The following TSPAN9 variants were observed in gnomAD, a reference collection of about 807,000 sequenced individuals.
TSPAN9 encodes the protein tetraspanin-9.
Under a neutral mutation model 31.0 loss-of-function variants are expected in TSPAN9, and 16 were observed. That is an observed-to-expected ratio of 0.52 (90% CI 0.35 to 0.78). The LOEUF is 0.78. Among genes scored for constraint, TSPAN9 ranks in the 30% least tolerant of loss-of-function variants. The pLI is 0.01. For synonymous variants in TSPAN9, 145 were observed against 121.6 expected (o/e 1.19, Z -1.27); for missense variants, 272 against 312.5 (o/e 0.87, Z 0.98).
In TSPAN9 at chr12:3,280,252, C is replaced by T; in HGVS notation, c.331-130C>T. ...CCCCACCCCAGTGGGCAGGGCCTTC[C>T]AGACCAGCTGCCTTCCCTGCCTTCC... On this transcript the variant is annotated intron_variant, in intron 5 of 8. Coordinates refer to ENST00000011898, the MANE Select transcript of TSPAN9 (RefSeq NM_006675.5). This position sits in a 1 kb window ranked among gnomAD's most constrained non-coding sequence, Gnocchi z 4.5. 1 of 806,466 alleles carries T rather than the reference C, an allele frequency of 1.2e-6. No individual in the cohort carries two copies. The highest frequency in any genetic ancestry group is 2.0e-6 in the Non-Finnish European group (1 of 497,650). 50.0% of individuals were successfully genotyped at this position (806,466 alleles called of 1,614,324 possible).
intron 2 of TSPAN9, among the ~76,000 whole-genome samples, chr12:3,195,256 T>C (rs1043285866): frequency 3.3e-5 from 5 of 152,326 alleles, no homozygotes; most frequent in South Asian, 2.1e-4. Flanking sequence ...GACTGAGCCC[T>C]GTCTCATGCT....
At chr12:3,195,190 G>A (rs1213176184) in intron 2 of TSPAN9, among the ~76,000 whole-genome samples, 1 of 152,196 alleles carries the variant, frequency 6.6e-6, no homozygotes, top group Non-Finnish European at 1.5e-5. Context: ...GGGTCAGAAA[G>A]GGGCTGTGGG....
chr12:3,119,754 C>G (rs1429007437), intron 2 of TSPAN9, among the ~76,000 whole-genome samples: 1 of 152,160 alleles, frequency 6.6e-6, no homozygotes, highest in African/African-American at 2.4e-5. Context: ...GAAACCTGTG[C>G]TGAAAGGTGT....
At chr12:3,269,319 C>T (rs4990117) in intron 3 of TSPAN9, among the ~76,000 whole-genome samples, 9 of 21,364 alleles carry the variant, frequency 4.2e-4, no homozygotes, top group Admixed American at 1.1e-3. Context: ...GCCCTCCGTG[C>T]GTTCCTGCAG....
intron 2 of TSPAN9, among the ~76,000 whole-genome samples, chr12:3,121,048 G>A (rs536097589): frequency 1.7e-4 from 26 of 152,036 alleles, no homozygotes; most frequent in African/African-American, 6.3e-4. Context: ...ACCTGTCTGA[G>A]TTTCATCTTG....
chr12:3,151,114 G>A (rs2098339515), intron 2 of TSPAN9: 1 of 152,250 alleles, frequency 6.6e-6, no homozygotes, highest in Non-Finnish European at 1.5e-5. Flanking sequence ...TTTCCATGTG[G>A]TTTGTAGTGC....
intron 2 of TSPAN9, among the ~76,000 whole-genome samples, chr12:3,180,682 C>T (rs539277861): frequency 2.0e-5 from 3 of 152,222 alleles, no homozygotes; most frequent in African/African-American, 7.2e-5. Context: ...GGATTTTCAC[C>T]TTCTTTATTT....
At chr12:3,211,929 C>T (rs60195204) in intron 3 of TSPAN9, 17 of 1,385,314 alleles carry the variant, frequency 1.2e-5, no homozygotes, top group African/African-American at 4.2e-5. Flanking sequence ...TTCTCGTGTG[C>T]GTAGGTCGTC....
At chr12:3,136,763 A>G (rs2098332330) in intron 2 of TSPAN9, among the ~76,000 whole-genome samples, 1 of 152,064 alleles carries the variant, frequency 6.6e-6, no homozygotes, top group Non-Finnish European at 1.5e-5. Flanking sequence ...AGCTGGAGGG[A>G]GAGAGTGTGC....
rs2098359856 is a variant in TSPAN9, at chr12:3,184,151, G to T, written c.-17-17026G>T. On this transcript the variant is annotated intron_variant, in intron 2 of 8. Transcript: ENST00000011898. ...ACACCTGTAATCCCAGCACTTTGGGGGGCCGAGGTGGGCAGCTCGCTTGAG... is the reference window on the plus strand; with the variant it reads ...ACACCTGTAATCCCAGCACTTTGGGTGGCCGAGGTGGGCAGCTCGCTTGAG... Among the ~76,000 whole-genome samples the T allele has an allele frequency of 3.3e-5, 5 of 152,046 alleles. No individual in the cohort carries two copies. In the South Asian group the frequency reaches 1.0e-3, roughly 32 times the overall value.
intron 3 of TSPAN9, among the ~76,000 whole-genome samples, chr12:3,204,013 C>T (rs1277521184): frequency 6.6e-6 from 1 of 152,140 alleles, no homozygotes; most frequent in Non-Finnish European, 1.5e-5. Context: ...CCTGGGAGGC[C>T]TCTGTTGCTG....
chr12:3,120,762 G>A (rs1417249562), intron 2 of TSPAN9, among the ~76,000 whole-genome samples: 1 of 152,218 alleles, frequency 6.6e-6, no homozygotes, highest in Admixed American at 6.5e-5. Context: ...CAGTCAGTCA[G>A]TTAATGTTGA....
intron 2 of TSPAN9, among the ~76,000 whole-genome samples, chr12:3,095,334 A>G (rs1207950274): frequency 2.7e-5 from 4 of 150,006 alleles, no homozygotes; most frequent in Non-Finnish European, 5.9e-5. Context: ...CCGCCTTTCT[A>G]TTCCACAAAA....
At chr12:3,115,212 A>G (rs1016075160) in intron 2 of TSPAN9, among the ~76,000 whole-genome samples, 1 of 152,184 alleles carries the variant, frequency 6.6e-6, no homozygotes, top group Admixed American at 6.5e-5. Flanking sequence ...TCCACTTAGC[A>G]TAAGGTTTTC....
In TSPAN9 at chr12:3,253,083, C is replaced by T. The variant is rs376018833; in HGVS notation, c.64-25338C>T. Among the ~76,000 whole-genome samples the T allele has an allele frequency of 3.5e-4, 53 of 152,232 alleles. No homozygotes were observed. The South Asian group carries it at 0.011, about 32-fold the overall frequency. ...AGCAGGGGCTCATGTGGATCTGACC[C>T]ACCTCTCAGAAGTGCTCCTGTGTCC... On this transcript the variant is annotated intron_variant, in intron 3 of 8. Coordinates refer to ENST00000011898, the MANE Select transcript of TSPAN9 (RefSeq NM_006675.5).
intron 1 of TSPAN9, among the ~76,000 whole-genome samples, chr12:3,078,164 G>T (rs1398128507): frequency 6.6e-6 from 1 of 152,146 alleles, no homozygotes; most frequent in Admixed American, 6.5e-5. Flanking sequence ...TGCCTGTTTT[G>T]TCTGGGGAAG....
At position 3,283,526 on chromosome 12, in the gene TSPAN9, C is replaced by T. The variant is rs573521108; in HGVS notation, c.*410C>T. 18 of 164,978 alleles carry T rather than the reference C, an allele frequency of 1.1e-4. No individual in the cohort carries two copies. Among genetic ancestry groups the T allele is most frequent in the Admixed American group, 1.9e-4 (3 of 15,686 alleles). 10.2% of individuals were successfully genotyped at this position (164,978 alleles called of 1,614,324 possible). A position where few individuals can be genotyped will look rare whatever the true frequency, so the allele number is the denominator to read the frequency against. Reference sequence around the variant, plus strand: ...CCAGCGGGGGCTGCGACATCCATGGCCACCATGGGGCACCTGGCGGGGCGG... The same window carrying T: ...CCAGCGGGGGCTGCGACATCCATGGTCACCATGGGGCACCTGGCGGGGCGG... On this transcript the variant is annotated 3_prime_UTR_variant, in exon 9 of 9. Transcript: ENST00000011898.
intron 3 of TSPAN9, among the ~76,000 whole-genome samples, chr12:3,275,357 GCTGCAGCGTGTGGGGGCGCC>G (rs1862762455): frequency 6.6e-6 from 1 of 152,216 alleles, no homozygotes. Flanking sequence ...CGTGTCTCCA[GCTGCAGCGTGTGGGGGCGCC>G]CTGCAGCTCC....
intron 2 of TSPAN9, among the ~76,000 whole-genome samples, chr12:3,115,925 G>C (rs2098322118): frequency 6.6e-6 from 1 of 152,194 alleles, no homozygotes; most frequent in African/African-American, 2.4e-5. Flanking sequence ...GAGGACTCCA[G>C]TTTCTCCACA....
Sources: allele counts gnomAD v4.1 joint callset (sites outside exome capture counted in the v4.1 genomes callset), GRCh38; gene constraint gnomAD v4.1.1; non-coding constraint Gnocchi (gnomAD v3.1); transcripts MANE v1.5; gene names NCBI Gene and HGNC (gene_info 2026-07-23, HGNC 2026-07-21).